KCNV1: variants seen among roughly 807,000 people sequenced by gnomAD.
KCNV1 encodes the protein potassium voltage-gated channel subfamily V member 1.
A neutral mutation model predicts 36.4 loss-of-function variants in KCNV1; 2 were observed. The ratio of observed to expected loss-of-function variants is 0.05; its 90% confidence interval spans 0.02 to 0.17. The LOEUF (loss-of-function observed/expected upper bound fraction) is 0.17, where lower values mean the gene tolerates loss of function less well. Among genes scored for constraint, KCNV1 ranks in the 10% least tolerant of loss-of-function variants. KCNV1 has a pLI of 1.00. For missense variants in KCNV1, 321 were observed against 643.6 expected (o/e 0.50, Z 5.42); for synonymous variants, 280 against 261.1 (o/e 1.07, Z -0.70).
Position 109,974,431 on chromosome 8 carries a change from G to T in KCNV1, c.-43C>A. 7.4e-7 allele frequency: 1 copy of T among 1,358,998 alleles called. No individual in the cohort carries two copies. The highest frequency in any genetic ancestry group is 1.5e-5 in the South Asian group (1 of 66,738). 84.2% of individuals were successfully genotyped at this position (1,358,998 alleles called of 1,614,324 possible). A position where few individuals can be genotyped will look rare whatever the true frequency, so the allele number is the denominator to read the frequency against. On this transcript the variant is annotated 5_prime_UTR_variant, in exon 2 of 4. Coordinates refer to ENST00000524391, the MANE Select transcript of KCNV1 (RefSeq NM_014379.4). This position sits in a 1 kb window ranked among gnomAD's most constrained non-coding sequence, Gnocchi z 6.2. Reference sequence around the variant, plus strand: ...CGGCCTGAGGGCGCCACAAAGTTGGGGACACGCCGGAAGCTTTGGTCCCGC... The same window carrying T: ...CGGCCTGAGGGCGCCACAAAGTTGGTGACACGCCGGAAGCTTTGGTCCCGC...
Position 109,968,566 on chromosome 8 carries a change from C to T in KCNV1, c.1025G>A (p.Cys342Tyr). 2.5e-6 allele frequency: 4 copies of T among 1,598,580 alleles called. No individual in the cohort carries two copies. Among genetic ancestry groups the T allele is most frequent in the Non-Finnish European group, 3.4e-6 (4 of 1,167,842 alleles). Residue 342 changes from cysteine (C) to tyrosine (Y), a missense_variant, in exon 4 of 4, where the codon TGT becomes TAT. Cys to Tyr is a radical substitution (Grantham distance 194, BLOSUM62 -2). Around this residue, in one of 5 missense-constraint regions of KCNV1, gnomAD observed 36 missense variants for 130.5 expected, o/e 0.28. Coordinates refer to ENST00000524391, the MANE Select transcript of KCNV1 (RefSeq NM_014379.4). The surrounding 1 kb of genome is among the most constrained non-coding windows in gnomAD (Gnocchi z 5.3). ...GAGCAGTAGGCCGACTTCTTCGTAA[C>T]ACTGGGTGATTGTCATCCCAAGGGA... Reference protein sequence around the residue: ...LRSLGMTITQCYEEVGLLLLF... With the variant: ...LRSLGMTITQYYEEVGLLLLF...
intron 2 of KCNV1, 87 bp downstream of exon 2, chr8:109,973,839 TTG>T: frequency 1.3e-6 from 1 of 796,386 alleles, no homozygotes; most frequent in South Asian, 1.7e-5. Flanking sequence ...CCAGCGAAGC[TTG>T]TGTAAAGCCT....
In KCNV1 at chr8:109,974,484, G is replaced by T; in HGVS notation, c.-96C>A. The T allele has an allele frequency of 1.1e-6, 1 of 900,890 alleles. No individual in the cohort carries two copies. The highest frequency in any genetic ancestry group is 2.9e-5 in the Admixed American group (1 of 33,936). The allele number at this position is 900,890 out of a possible 1,614,324, so 55.8% of individuals were successfully genotyped here. ...GGGCGGTGGCACGGCCCCTGGTGGC[G>T]GCCGGGATTCCCCGGGCTCCCGAAG... On this transcript the variant is annotated 5_prime_UTR_variant, in exon 2 of 4. Coordinates refer to ENST00000524391, the MANE Select transcript of KCNV1 (RefSeq NM_014379.4). This position sits in a 1 kb window ranked among gnomAD's most constrained non-coding sequence, Gnocchi z 6.2.
chr8:109,969,872 G>C (rs534004812), intron 3 of KCNV1, among the ~76,000 whole-genome samples: 1 of 148,632 alleles, frequency 6.7e-6, no homozygotes, highest in East Asian at 2.0e-4. Context: ...AAAAAAGAAA[G>C]AAAGAAAAGC....
intron 3 of KCNV1, among the ~76,000 whole-genome samples, chr8:109,970,911 A>G (rs988961590): frequency 2.0e-5 from 3 of 152,212 alleles, no homozygotes; most frequent in Non-Finnish European, 2.9e-5. Flanking sequence ...TGGTACTTGT[A>G]AAAGTTATTG....
chr8:109,974,405 G>C lies in KCNV1; in HGVS notation c.-17C>G, dbSNP rs1455854539. On this transcript the variant is annotated 5_prime_UTR_variant, in exon 2 of 4. Coordinates refer to ENST00000524391, the MANE Select transcript of KCNV1 (RefSeq NM_014379.4). This position sits in a 1 kb window ranked among gnomAD's most constrained non-coding sequence, Gnocchi z 6.2. ...GGAAGGCATCTCTAACCCAGTCGCC[G>C]CGGCCTGAGGGCGCCACAAAGTTGG... 3 of 1,446,876 alleles carry C rather than the reference G, an allele frequency of 2.1e-6. No homozygotes were observed. The African/African-American group carries it at 4.3e-5, about 21-fold the overall frequency. The allele number at this position is 1,446,876 out of a possible 1,614,324, so 89.6% of individuals were successfully genotyped here.
At position 109,972,731 on chromosome 8, in the gene KCNV1, T is replaced by G; in HGVS notation, c.518A>C (p.Asp173Ala). The G allele has an allele frequency of 3.7e-6, 6 of 1,614,074 alleles. No individual in the cohort carries two copies. The highest frequency in any genetic ancestry group is 1.3e-5 in the African/African-American group (1 of 75,062). The change falls in exon 3 of 4, where the codon GAC (aspartate) becomes GCC (alanine). Residue 173 changes from aspartate (D) to alanine (A), a missense_variant. Asp to Ala is a moderately radical substitution (Grantham distance 126). This residue lies in a region of KCNV1 where 141 missense variants were observed against 225.0 expected (regional missense o/e 0.63). Transcript: ENST00000524391. The surrounding 1 kb of genome is among the most constrained non-coding windows in gnomAD (Gnocchi z 5.2). ...ETLDFKKDTE[D>A]QESQHESEQD... is the part of the protein sequence containing the mutation. ...TTCACTCTCATGTTGACTTTCCTGGTCTTCTGTGTCCTTCTTGAAGTCTAA... is the reference window on the plus strand; with the variant it reads ...TTCACTCTCATGTTGACTTTCCTGGGCTTCTGTGTCCTTCTTGAAGTCTAA...
At position 109,967,853 on chromosome 8, in the gene KCNV1, C is replaced by T. The variant is rs1819962162; in HGVS notation, c.*235G>A. 1.2e-5 allele frequency: 5 copies of T among 426,396 alleles called. No homozygotes were observed. The South Asian group carries it at 2.8e-4, about 24-fold the overall frequency. The allele number at this position is 426,396 out of a possible 1,614,324, so 26.4% of individuals were successfully genotyped here. ...CAATTCAAACATGTTTATATTGGCC[C>T]AGTTGTATTTGGTTGTGTTAATTGG... On this transcript the variant is annotated 3_prime_UTR_variant, in exon 4 of 4. Transcript: ENST00000524391.
chr8:109,968,718 C>G lies in KCNV1; in HGVS notation c.992-119G>C. 1 of 974,374 alleles carries G rather than the reference C, an allele frequency of 1.0e-6. No homozygotes were observed. Among genetic ancestry groups the G allele is most frequent in the South Asian group, 1.7e-5 (1 of 58,142 alleles). 60.4% of individuals were successfully genotyped at this position (974,374 alleles called of 1,614,324 possible). On this transcript the variant is annotated intron_variant, in intron 3 of 3. Transcript: ENST00000524391. The surrounding 1 kb of genome is among the most constrained non-coding windows in gnomAD (Gnocchi z 5.3). ...AACTGCACTGCACACTTAAATGTCC[C>G]CAGCACTGGGCAATGTTCTGGGGAT... is the stretch of plus-strand genomic sequence containing the variant.
Position 109,965,901 on chromosome 8 carries a change from G to T in KCNV1, c.*2187C>A, listed in dbSNP as rs1435920033. 1 of 152,126 alleles carries T rather than the reference G, an allele frequency of 6.6e-6. No individual in the cohort carries two copies. The highest frequency in any genetic ancestry group is 1.5e-5 in the Non-Finnish European group (1 of 68,026). 9.4% of individuals were successfully genotyped at this position (152,126 alleles called of 1,614,324 possible). A position where few individuals can be genotyped will look rare whatever the true frequency, so the allele number is the denominator to read the frequency against. On this transcript the variant is annotated 3_prime_UTR_variant, in exon 4 of 4. Transcript: ENST00000524391. Reference sequence around the variant, plus strand: ...CGGGTCAGGCAGATTGGTATTCAGCGCTGGCTCTGCCATCTATAGCCTGTG... The same window carrying T: ...CGGGTCAGGCAGATTGGTATTCAGCTCTGGCTCTGCCATCTATAGCCTGTG...
rs1819967707 is a variant in KCNV1 at position 109,968,249 on chromosome 8, GCTGT to G, written c.1338_1341del (p.Arg446SerfsTer5). On this transcript the variant is annotated frameshift_variant, in exon 4 of 4. Coordinates refer to ENST00000524391, the MANE Select transcript of KCNV1 (RefSeq NM_014379.4). LOFTEE classifies it high-confidence loss of function. This position sits in a 1 kb window ranked among gnomAD's most constrained non-coding sequence, Gnocchi z 5.3. The stretch of plus-strand genomic sequence containing the variant: ...TTGGTAAGCTTCTTTAGGGCTTCAC[GCTGT>G]CTAACAGCTGCTTCCTTGAGTTTCA... 6.2e-7 allele frequency: 1 copy of G among 1,613,982 alleles called. No homozygotes were observed. The highest frequency in any genetic ancestry group is 1.3e-5 in the African/African-American group (1 of 74,884).
intron 3 of KCNV1, among the ~76,000 whole-genome samples, chr8:109,970,331 G>T (rs1819994987): frequency 6.6e-6 from 1 of 152,162 alleles, no homozygotes; most frequent in South Asian, 2.1e-4. Context: ...TGGGAACACT[G>T]TTTTAGTTTA....
In KCNV1 at chr8:109,974,328, G is replaced by C; in HGVS notation, c.61C>G (p.Leu21Val). ...TCGCTGCAGAAGACACTAGAGTCCAGGGAGGTCAGGGAGCCGCTGTCCAGC... is the reference window on the plus strand; with the variant it reads ...TCGCTGCAGAAGACACTAGAGTCCACGGAGGTCAGGGAGCCGCTGTCCAGC... ...SPLDSGSLTS[L>V]DSSVFCSEGE... The change falls in exon 2 of 4, where the codon CTG (leucine) becomes GTG (valine). Residue 21 changes from leucine (L) to valine (V), a missense_variant. By Grantham distance (32) the Leu-to-Val change is conservative. Transcript: ENST00000524391. The surrounding 1 kb of genome is among the most constrained non-coding windows in gnomAD (Gnocchi z 6.2). The C allele has an allele frequency of 6.5e-7, 1 of 1,539,774 alleles. No individual in the cohort carries two copies. The highest frequency in any genetic ancestry group is 8.7e-7 in the Non-Finnish European group (1 of 1,148,042).
intron 3 of KCNV1, among the ~76,000 whole-genome samples, chr8:109,970,712 A>C: frequency 1.3e-5 from 2 of 152,340 alleles, no homozygotes; most frequent in Middle Eastern, 6.8e-3. Context: ...GGTTTACTAA[A>C]ACTTTATACT....
intron 1 of KCNV1, 49 bp downstream of exon 1, chr8:109,975,570 G>A (rs1241316004): frequency 1.3e-5 from 2 of 152,514 alleles, no homozygotes; most frequent in Non-Finnish European, 2.9e-5. Flanking sequence ...CCAACCTGTT[G>A]GACTCGGGGT....
At position 109,968,696 on chromosome 8, in the gene KCNV1, T is replaced by A; in HGVS notation, c.992-97A>T. The A allele has an allele frequency of 1.7e-6, 2 of 1,201,392 alleles. 1 individual carries two copies. The highest frequency in any genetic ancestry group is 2.9e-5 in the South Asian group (2 of 68,392). The allele number at this position is 1,201,392 out of a possible 1,614,324, so 74.4% of individuals were successfully genotyped here. ...CCTCCTTGCTCTGCCACCCACAAAC[T>A]GCACTGCACACTTAAATGTCCCCAG... On this transcript the variant is annotated intron_variant, in intron 3 of 3. Coordinates refer to ENST00000524391, the MANE Select transcript of KCNV1 (RefSeq NM_014379.4). This position sits in a 1 kb window ranked among gnomAD's most constrained non-coding sequence, Gnocchi z 5.3.
intron 3 of KCNV1, among the ~76,000 whole-genome samples, chr8:109,970,081 CA>C (rs1316989679): frequency 1.3e-5 from 2 of 152,122 alleles, no homozygotes; most frequent in Admixed American, 1.3e-4. Context: ...AAGGCATTAG[CA>C]TACTAATCAT....
Position 109,972,153 on chromosome 8 carries a change from G to T in KCNV1, c.991+105C>A. Reference sequence around the variant, plus strand: ...CATGATCAGGTAAAGTATGGGAGTTGGTAATTTTGAATATCAGTTCAGCGT... The same window carrying T: ...CATGATCAGGTAAAGTATGGGAGTTTGTAATTTTGAATATCAGTTCAGCGT... On this transcript the variant is annotated intron_variant, in intron 3 of 3. Coordinates refer to ENST00000524391, the MANE Select transcript of KCNV1 (RefSeq NM_014379.4). The surrounding 1 kb of genome is among the most constrained non-coding windows in gnomAD (Gnocchi z 5.2). 8.5e-7 allele frequency: 1 copy of T among 1,171,128 alleles called. No homozygotes were observed. Among genetic ancestry groups the T allele is most frequent in the Non-Finnish European group, 1.2e-6 (1 of 842,452 alleles). 72.5% of individuals were successfully genotyped at this position (1,171,128 alleles called of 1,614,324 possible).
chr8:109,968,638 C>CT lies in KCNV1; in HGVS notation c.992-40dup, dbSNP rs1563834526. The CT allele has an allele frequency of 1.9e-6, 3 of 1,545,640 alleles. No homozygotes were observed. The highest frequency in any genetic ancestry group is 2.6e-6 in the Non-Finnish European group (3 of 1,141,876). On this transcript the variant is annotated intron_variant, in intron 3 of 3. Transcript: ENST00000524391. This position sits in a 1 kb window ranked among gnomAD's most constrained non-coding sequence, Gnocchi z 5.3. Reference sequence around the variant, plus strand: ...AATGCTGTCAGTCATTGGCATCCCTCTTCTCTCTCTTCCTTCCCTCCCCTC... The same window carrying CT: ...AATGCTGTCAGTCATTGGCATCCCTCTTTCTCTCTCTTCCTTCCCTCCCCTC...
Sources: allele counts gnomAD v4.1 joint callset (sites outside exome capture counted in the v4.1 genomes callset), GRCh38; gene constraint gnomAD v4.1.1; regional missense constraint gnomAD v4.1.1; non-coding constraint Gnocchi (gnomAD v3.1); transcripts MANE v1.5; gene names NCBI Gene and HGNC (gene_info 2026-07-23, HGNC 2026-07-21).